Variants in MDFIC observed in about 807,000 individuals in gnomAD.
MDFIC encodes the protein myoD family inhibitor domain-containing protein.
MDFIC carries 17 observed loss-of-function variants against 23.2 expected under a neutral mutation model. The observed-to-expected ratio is 0.73, with a 90% CI of 0.50 to 1.10. The LOEUF is 1.10. Ranked by LOEUF, MDFIC falls within the 50% of genes least tolerant of loss-of-function variation. The pLI is 0.00. For missense variants in MDFIC, 356 were observed against 316.6 expected, an observed-to-expected ratio of 1.12 and a Z score of -0.95; for synonymous variants, 120 against 115.2, an observed-to-expected ratio of 1.04 and a Z score of -0.27.
At chr7:114,955,453 T>A (rs1228702384) in intron 3 of MDFIC, among the ~76,000 whole-genome samples, 1 of 152,148 alleles carries the variant, frequency 6.6e-6, no homozygotes, top group Non-Finnish European at 1.5e-5. Context: ...TTTAACTGTA[T>A]CTCTCCTAAA....
chr7:114,922,242 G>A lies in MDFIC; in HGVS notation c.-502G>A, dbSNP rs1167397178. On this transcript the variant is annotated 5_prime_UTR_variant, in exon 1 of 5. Coordinates refer to ENST00000393486, the MANE Select transcript of MDFIC (RefSeq NM_001166345.3). ...CCGGGTCGCGCCGCTCCCAGCATCG[G>A]GGCCGCTAGCCAAGAGTTCGAGGCC... The A allele has an allele frequency of 1.9e-5, 11 of 582,910 alleles. No individual in the cohort carries two copies. The highest frequency in any genetic ancestry group is 2.8e-5 in the Non-Finnish European group (11 of 396,130). The allele number at this position is 582,910 out of a possible 1,614,324, so 36.1% of individuals were successfully genotyped here. A position where few individuals can be genotyped will look rare whatever the true frequency, so the allele number is the denominator to read the frequency against.
chr7:115,008,478 C>A (rs892492296), intron 4 of MDFIC, among the ~76,000 whole-genome samples: 1 of 152,170 alleles, frequency 6.6e-6, no homozygotes, highest in African/African-American at 2.4e-5. Flanking sequence ...AAAATGTTGA[C>A]TGGATTCTGG....
At position 115,013,900 on chromosome 7, in the gene MDFIC, A is replaced by G. The variant is rs979627748; in HGVS notation, c.494-1788A>G. On this transcript the variant is annotated intron_variant, in intron 4 of 4. Coordinates refer to ENST00000393486, the MANE Select transcript of MDFIC (RefSeq NM_001166345.3). ...TAGAGATCCCCTGAAATGATTGGTT[A>G]CTACCAGAAATCAATATTAGGGGAA... 4.1e-6 allele frequency: 3 copies of G among 727,434 alleles called. No individual in the cohort carries two copies. In the African/African-American group the frequency reaches 5.8e-5, roughly 14 times the overall value. 45.1% of individuals were successfully genotyped at this position (727,434 alleles called of 1,614,324 possible).
intron 2 of MDFIC, chr7:114,933,980 G>A (rs1017084213): frequency 6.6e-6 from 1 of 152,184 alleles, no homozygotes; most frequent in Non-Finnish European, 1.5e-5. Flanking sequence ...ATCCCTGTAA[G>A]TATTCATACC....
chr7:114,922,471 G>A lies in MDFIC; in HGVS notation c.-273G>A. 1 of 1,250,882 alleles carries A rather than the reference G, an allele frequency of 8.0e-7. No homozygotes were observed. The highest frequency in any genetic ancestry group is 1.0e-6 in the Non-Finnish European group (1 of 991,704). The allele number at this position is 1,250,882 out of a possible 1,614,324, so 77.5% of individuals were successfully genotyped here. On this transcript the variant is annotated 5_prime_UTR_variant, in exon 1 of 5. Coordinates refer to ENST00000393486, the MANE Select transcript of MDFIC (RefSeq NM_001166345.3). ...CGCAGTTGCCGCCACTGCGGCGTCT[G>A]GGCTGAGCCGGAGGGAGGCGGGAGG...
chr7:114,988,021 A>T (rs960704522), intron 4 of MDFIC, among the ~76,000 whole-genome samples: 20 of 152,230 alleles, frequency 1.3e-4, no homozygotes, highest in African/African-American at 4.8e-5. Context: ...AGATAACTCA[A>T]AATATGCCTC....
At chr7:114,997,776 A>G (rs1791367301) in intron 4 of MDFIC, among the ~76,000 whole-genome samples, 1 of 151,592 alleles carries the variant, frequency 6.6e-6, no homozygotes, top group African/African-American at 2.4e-5. Flanking sequence ...AAGAAAAGAA[A>G]AGAAAAGAAA....
At chr7:114,952,472 T>A (rs576413466) in intron 3 of MDFIC, among the ~76,000 whole-genome samples, 112 of 152,072 alleles carry the variant, frequency 7.4e-4, no homozygotes, top group Non-Finnish European at 1.1e-3. Context: ...TGCTCCACAG[T>A]TTTCCACCAA....
chr7:115,013,108 G>T (rs1791713050), intron 4 of MDFIC, among the ~76,000 whole-genome samples: 1 of 152,134 alleles, frequency 6.6e-6, no homozygotes, highest in South Asian at 2.1e-4. Flanking sequence ...CTCAAATACA[G>T]GATGTTGAGC....
chr7:115,011,587 T>C (rs1240240865), intron 4 of MDFIC, among the ~76,000 whole-genome samples: 2 of 152,244 alleles, frequency 1.3e-5, no homozygotes, highest in Non-Finnish European at 2.9e-5. Context: ...CTTTGTCTAC[T>C]AAAAATAAAA....
At chr7:114,991,263 G>A (rs971615396) in intron 4 of MDFIC, among the ~76,000 whole-genome samples, 1 of 152,128 alleles carries the variant, frequency 6.6e-6, no homozygotes, top group Non-Finnish European at 1.5e-5. Context: ...TTTGTCAGAT[G>A]AGTAGATTGC....
Position 114,922,961 on chromosome 7 carries a change from C to T in MDFIC, c.-73C>T. The T allele has an allele frequency of 6.4e-7, 1 of 1,568,008 alleles. No individual in the cohort carries two copies. The highest frequency in any genetic ancestry group is 8.6e-7 in the Non-Finnish European group (1 of 1,158,696). On this transcript the variant is annotated 5_prime_UTR_variant, in exon 2 of 5. Coordinates refer to ENST00000393486, the MANE Select transcript of MDFIC (RefSeq NM_001166345.3). ...GTTCCCTGCACCCAGCACCTCACAG[C>T]CCTTCCTCCGTGCGCCCTGCCGGGC...
At chr7:114,932,593 A>C (rs1792335018) in intron 2 of MDFIC, among the ~76,000 whole-genome samples, 1 of 152,220 alleles carries the variant, frequency 6.6e-6, no homozygotes, top group Admixed American at 6.5e-5. Context: ...TGTCAGGGCT[A>C]GTAAAATGGA....
chr7:115,004,999 C>T, intron 4 of MDFIC, among the ~76,000 whole-genome samples: 1 of 152,228 alleles, frequency 6.6e-6, no homozygotes, highest in East Asian at 1.9e-4. Flanking sequence ...CATTAATTAA[C>T]TTTCCATTCT....
intron 3 of MDFIC, among the ~76,000 whole-genome samples, chr7:114,949,342 G>A (rs1428312569): frequency 6.6e-6 from 1 of 152,132 alleles, no homozygotes; most frequent in Admixed American, 6.5e-5. Context: ...CTGAGCCTCA[G>A]GAAGGAGCTG....
intron 3 of MDFIC, among the ~76,000 whole-genome samples, chr7:114,970,603 G>T (rs1036607901): frequency 1.3e-5 from 2 of 152,068 alleles, no homozygotes; most frequent in African/African-American, 4.8e-5. Flanking sequence ...GGGTTGCTGC[G>T]CCTTCCCCAG....
At chr7:114,925,003 A>G (rs1355565050) in intron 2 of MDFIC, among the ~76,000 whole-genome samples, 1 of 152,166 alleles carries the variant, frequency 6.6e-6, no homozygotes, top group South Asian at 2.1e-4. Flanking sequence ...TGGATTCTTT[A>G]TCATCCTTTC....
chr7:114,979,397 A>T, intron 3 of MDFIC, 109 bp from the exon 4 acceptor site: 1 of 1,094,548 alleles, frequency 9.1e-7, no homozygotes, highest in Non-Finnish European at 1.3e-6. Flanking sequence ...CTTCAGTGTT[A>T]GTATTATGGG....
chr7:114,990,677 C>T (rs1255554522), intron 4 of MDFIC, among the ~76,000 whole-genome samples: 1 of 152,218 alleles, frequency 6.6e-6, no homozygotes, highest in Non-Finnish European at 1.5e-5. Context: ...AGGACATGAA[C>T]TCATCCTTTT....
Sources: gnomAD v4.1 joint callset for allele counts (sites outside exome capture counted in the v4.1 genomes callset) on GRCh38, gnomAD v4.1.1 for gene constraint, MANE v1.5 for transcripts, NCBI Gene and HGNC (gene_info 2026-07-23, HGNC 2026-07-21) for gene names.